RAB3C: variants seen among roughly 807,000 people sequenced by gnomAD.
The protein encoded by RAB3C is ras-related protein Rab-3C.
RAB3C carries 17 observed loss-of-function variants against 26.4 expected under a neutral mutation model. The ratio of observed to expected loss-of-function variants is 0.64; its 90% confidence interval spans 0.44 to 0.97. RAB3C has a LOEUF of 0.97. RAB3C is among the 50% of genes least tolerant of loss of function. The probability of loss-of-function intolerance (pLI) is 0.00; values close to 1 mark genes in which losing one functional copy is unlikely to be tolerated. For missense variants in RAB3C, 242 were observed against 281.9 expected, an observed-to-expected ratio of 0.86 and a Z score of 1.01; for synonymous variants, 91 against 95.9, an observed-to-expected ratio of 0.95 and a Z score of 0.30.
In RAB3C at chr5:58,726,002, G is replaced by T; in HGVS notation, c.253G>T (p.Asp85Tyr). ...NEKRIKLQIW[D>Y]TAGQERYRTI... is the part of the protein sequence containing the mutation. ...TTATCATTTTTTTTTTATTCTTTAG[G>T]ACACAGCAGGCCAGGAAAGATACAG... Residue 85 changes from aspartate (D) to tyrosine (Y), a missense_variant and splice_region_variant, in exon 3 of 5, where the codon GAC becomes TAC. Transcript: ENST00000282878. 6.5e-7 allele frequency: 1 copy of T among 1,548,136 alleles called. No homozygotes were observed. Among genetic ancestry groups the T allele is most frequent in the Admixed American group, 1.9e-5 (1 of 52,516 alleles).
chr5:58,612,781 T>G (rs1746743448), intron 1 of RAB3C, among the ~76,000 whole-genome samples: 1 of 151,834 alleles, frequency 6.6e-6, no homozygotes, highest in Non-Finnish European at 1.5e-5. Context: ...AGGGATAGTT[T>G]GACTCCCTGT....
chr5:58,654,677 TCTCTTCTC>T (rs35666860), intron 2 of RAB3C, among the ~76,000 whole-genome samples: 69,233 of 151,466 alleles, frequency 0.46, 17,098 homozygotes, highest in African/African-American at 0.66. Flanking sequence ...GCTCTCACTC[TCTCTTCTC>T]CTCTTTTTCC....
rs1464292932 is a variant in RAB3C, at chr5:58,797,368, A to ATATATATAT, written c.372-27670_372-27669insTATATATAT. ...AAAAAAAAAAAATATGTATATATAT[A>ATATATATAT]ATATATATATATATATATATATATA... is the stretch of plus-strand genomic sequence containing the variant. On this transcript the variant is annotated intron_variant, in intron 3 of 4. Coordinates refer to ENST00000282878, the MANE Select transcript of RAB3C (RefSeq NM_138453.4). Among the ~76,000 whole-genome samples, 192 of 22,760 alleles carry ATATATATAT rather than the reference A, an allele frequency of 8.4e-3. 14 individuals are homozygous for ATATATATAT. Among genetic ancestry groups the ATATATATAT allele is most frequent in the Middle Eastern group, 0.038 (1 of 26 alleles). The allele number at this position is 22,760 out of a possible 152,430, so 14.9% of individuals were successfully genotyped here.
intron 2 of RAB3C, among the ~76,000 whole-genome samples, chr5:58,672,484 C>T (rs750592312): frequency 2.6e-5 from 4 of 152,068 alleles, no homozygotes; most frequent in East Asian, 1.9e-4. Context: ...GGATGGTTCT[C>T]GAAGGTCATA....
intron 3 of RAB3C, among the ~76,000 whole-genome samples, chr5:58,787,260 G>A (rs1363630880): frequency 6.6e-6 from 1 of 152,108 alleles, no homozygotes; most frequent in African/African-American, 2.4e-5. Context: ...CGATTTCCAC[G>A]GCAAAGAAAT....
At chr5:58,800,287 G>C (rs1742774178) in intron 3 of RAB3C, among the ~76,000 whole-genome samples, 1 of 152,170 alleles carries the variant, frequency 6.6e-6, no homozygotes, top group African/African-American at 2.4e-5. Context: ...CCTACATTTA[G>C]TTTTTGAATT....
chr5:58,676,528 A>G (rs1270650010), intron 2 of RAB3C, among the ~76,000 whole-genome samples: 1 of 151,882 alleles, frequency 6.6e-6, no homozygotes, highest in African/African-American at 2.4e-5. Context: ...AAAAGAACCT[A>G]TTGCCACCCC....
chr5:58,647,013 G>C (rs2111778731), intron 2 of RAB3C, among the ~76,000 whole-genome samples: 1 of 152,270 alleles, frequency 6.6e-6, no homozygotes, highest in South Asian at 2.1e-4. Context: ...CAGATATAGA[G>C]GCACAGTATT....
intron 1 of RAB3C, among the ~76,000 whole-genome samples, chr5:58,610,104 T>C (rs973664927): frequency 9.2e-5 from 14 of 152,094 alleles, no homozygotes; most frequent in Admixed American, 5.2e-4. Context: ...GACAGACTTT[T>C]GGAAATGCTA....
intron 3 of RAB3C, among the ~76,000 whole-genome samples, chr5:58,785,037 C>T (rs1742347400): frequency 6.6e-6 from 1 of 152,202 alleles, no homozygotes; most frequent in Non-Finnish European, 1.5e-5. Flanking sequence ...CTAACTGTCC[C>T]AGTTTGCACA....
chr5:58,807,113 G>A (rs557826258), intron 3 of RAB3C, among the ~76,000 whole-genome samples: 1 of 152,280 alleles, frequency 6.6e-6, no homozygotes, highest in South Asian at 2.1e-4. Context: ...ACAAGAAAGG[G>A]TTGCTTTAAT....
At chr5:58,727,031 T>A (rs293004) in intron 3 of RAB3C, among the ~76,000 whole-genome samples, 2 of 151,794 alleles carry the variant, frequency 1.3e-5, no homozygotes, top group Admixed American at 6.6e-5. Flanking sequence ...TAGGACTGAC[T>A]GAAGAAATAC....
Position 58,627,549 on chromosome 5 carries a change from T to C in RAB3C, c.252+9679T>C, listed in dbSNP as rs566520237. Among the ~76,000 whole-genome samples the C allele has an allele frequency of 4.1e-5, 6 of 147,506 alleles. No homozygotes were observed. The East Asian group carries it at 1.2e-3, about 29-fold the overall frequency. ...GCTTAAATTCGGTGCAAATTAAGCA[T>C]TTAATTACCCCATATTTATTTTTCA... On this transcript the variant is annotated intron_variant, in intron 2 of 4. Transcript: ENST00000282878.
chr5:58,738,191 C>G (rs542818450), intron 3 of RAB3C, among the ~76,000 whole-genome samples: 1 of 152,182 alleles, frequency 6.6e-6, no homozygotes, highest in African/African-American at 2.4e-5. Context: ...CCCACTCATA[C>G]CTTCATTTGC....
At chr5:58,724,810 GA>G (rs561655402) in intron 2 of RAB3C, among the ~76,000 whole-genome samples, 30 of 145,570 alleles carry the variant, frequency 2.1e-4, no homozygotes, top group East Asian at 4.0e-4. Flanking sequence ...AGAAACAAAT[GA>G]AAAAAAAAAC....
At chr5:58,842,483 T>G (rs1281147333) in intron 4 of RAB3C, among the ~76,000 whole-genome samples, 1 of 152,204 alleles carries the variant, frequency 6.6e-6, no homozygotes, top group Non-Finnish European at 1.5e-5. Flanking sequence ...ACCCATGATA[T>G]TTCATCCGTG....
intron 3 of RAB3C, among the ~76,000 whole-genome samples, chr5:58,764,367 G>A (rs1195689096): frequency 6.6e-6 from 1 of 152,162 alleles, no homozygotes; most frequent in East Asian, 1.9e-4. Flanking sequence ...TATGAACAGT[G>A]CTTTGTTCTA....
chr5:58,818,899 C>T (rs1271099105), intron 3 of RAB3C, among the ~76,000 whole-genome samples: 2 of 152,096 alleles, frequency 1.3e-5, no homozygotes, highest in Admixed American at 6.5e-5. Flanking sequence ...ATTCAACAAA[C>T]ATTTGTCATA....
chr5:58,744,619 A>G (rs1302560063), intron 3 of RAB3C, among the ~76,000 whole-genome samples: 1 of 152,244 alleles, frequency 6.6e-6, no homozygotes, highest in Non-Finnish European at 1.5e-5. Context: ...AGGCAAGGCC[A>G]TAGTTTCTGA....
Sources: allele counts gnomAD v4.1 joint callset (sites outside exome capture counted in the v4.1 genomes callset), GRCh38; gene constraint gnomAD v4.1.1; transcripts MANE v1.5; gene names NCBI Gene and HGNC (gene_info 2026-07-23, HGNC 2026-07-21).